Variants in ARHGAP17 observed in about 807,000 individuals in gnomAD.
ARHGAP17 encodes the protein Rho GTPase activating protein 17, also known as rho GTPase-activating protein 17.
A neutral mutation model predicts 99.5 loss-of-function variants in ARHGAP17; 57 were observed. The observed-to-expected ratio is 0.57, with a 90% CI of 0.46 to 0.71. The LOEUF is 0.71. Among genes scored for constraint, ARHGAP17 ranks in the 30% least tolerant of loss-of-function variants. The pLI, the probability that ARHGAP17 is intolerant of heterozygous loss-of-function variation, is 0.00. For missense variants in ARHGAP17, 1,000 were observed against 1,122.4 expected (o/e 0.89, Z 1.56); for synonymous variants, 417 against 429.6 (o/e 0.97, Z 0.36).
intron 3 of ARHGAP17, among the ~76,000 whole-genome samples, chr16:24,972,385 A>AT (rs979223443): frequency 3.0e-4 from 46 of 152,292 alleles, no homozygotes; most frequent in African/African-American, 1.1e-3. Context: ...CAAATTATTG[A>AT]TTTTTAAATT....
chr16:24,998,161 G>A (rs984473229), intron 1 of ARHGAP17, among the ~76,000 whole-genome samples: 3 of 151,990 alleles, frequency 2.0e-5, no homozygotes, highest in Non-Finnish European at 4.4e-5. Flanking sequence ...ACTGGGCCCC[G>A]GGCACAGGGA....
intron 14 of ARHGAP17, among the ~76,000 whole-genome samples, chr16:24,946,256 G>A (rs28651646): frequency 0.032 from 4,914 of 151,872 alleles, 276 homozygotes; most frequent in African/African-American, 0.11. Context: ...TCAGTACAAT[G>A]TGTGAGGCCC....
Position 24,954,588 on chromosome 16 carries a change from C to T in ARHGAP17, c.852+15G>A, listed in dbSNP as rs781742781. On this transcript the variant is annotated intron_variant, in intron 10 of 19. Coordinates refer to ENST00000289968, the MANE Select transcript of ARHGAP17 (RefSeq NM_001006634.3). ...CATGGAGACTTGGTGCACAGGATCA[C>T]GAAGCTCCCCTCACCTCCTCCTTCA... 13 of 1,608,556 alleles carry T rather than the reference C, an allele frequency of 8.1e-6. No individual in the cohort carries two copies. Among genetic ancestry groups the T allele is most frequent in the East Asian group, 4.5e-5 (2 of 44,808 alleles).
intron 1 of ARHGAP17, among the ~76,000 whole-genome samples, chr16:24,996,513 T>C (rs2053195538): frequency 6.6e-6 from 1 of 152,100 alleles, no homozygotes; most frequent in Admixed American, 6.5e-5. Flanking sequence ...CACATCTCCT[T>C]TGCCACCCAC....
intron 19 of ARHGAP17, 127 bp from the exon 20 acceptor site, chr16:24,920,387 C>T (rs1372294694): frequency 7.7e-6 from 9 of 1,164,550 alleles, no homozygotes; most frequent in African/African-American, 6.1e-5. Context: ...GGGTCCCTTG[C>T]GAGAGGCCTC....
chr16:25,012,959 C>A (rs774002018), intron 1 of ARHGAP17, among the ~76,000 whole-genome samples: 1 of 152,174 alleles, frequency 6.6e-6, no homozygotes. Flanking sequence ...CCAGAATTAA[C>A]AATGTCTACT....
intron 3 of ARHGAP17, chr16:24,972,600 T>C (rs2052399589): frequency 6.6e-6 from 1 of 152,242 alleles, no homozygotes; most frequent in Non-Finnish European, 1.5e-5. Flanking sequence ...TCCTACCTTT[T>C]GGTTATGCTG....
chr16:24,979,821 G>A (rs1436932462), intron 1 of ARHGAP17, among the ~76,000 whole-genome samples: 8 of 151,860 alleles, frequency 5.3e-5, no homozygotes, highest in African/African-American at 1.2e-4. Flanking sequence ...AGCGATTCTC[G>A]TGCCTTAGCC....
intron 19 of ARHGAP17, among the ~76,000 whole-genome samples, chr16:24,929,874 C>G (rs1332223173): frequency 6.6e-6 from 1 of 152,202 alleles, no homozygotes; most frequent in East Asian, 1.9e-4. Context: ...CAAAGTCACT[C>G]AATATGGTTG....
At chr16:24,965,235 C>A (rs2052141174) in intron 6 of ARHGAP17, among the ~76,000 whole-genome samples, 1 of 152,178 alleles carries the variant, frequency 6.6e-6, no homozygotes, top group African/African-American at 2.4e-5. Flanking sequence ...CTTTGGGAAG[C>A]CGAGGTGGGC....
intron 16 of ARHGAP17, chr16:24,941,770 A>T: frequency 3.4e-6 from 2 of 593,550 alleles, no homozygotes; most frequent in South Asian, 4.0e-5. Flanking sequence ...GCTGGAATAC[A>T]CGTGGAAGAA....
chr16:24,954,927 C>T (rs915059318), intron 9 of ARHGAP17, 197 bp from the exon 10 acceptor site: 19 of 711,840 alleles, frequency 2.7e-5, no homozygotes, highest in Admixed American at 6.7e-5. Context: ...GGGGCGGTTA[C>T]TTGTGGAACA....
chr16:24,963,494 G>A (rs954956816), intron 7 of ARHGAP17, among the ~76,000 whole-genome samples: 3 of 152,066 alleles, frequency 2.0e-5, no homozygotes, highest in African/African-American at 7.2e-5. Context: ...AAAAATAAGA[G>A]CAGGAAAAGT....
intron 19 of ARHGAP17, among the ~76,000 whole-genome samples, chr16:24,925,503 G>A (rs2050816601): frequency 6.6e-6 from 1 of 152,108 alleles, no homozygotes; most frequent in South Asian, 2.1e-4. Flanking sequence ...AGTTTTCTAG[G>A]GCTATTAGAG....
intron 1 of ARHGAP17, among the ~76,000 whole-genome samples, chr16:24,985,160 G>C (rs1223978725): frequency 6.6e-6 from 1 of 151,376 alleles, no homozygotes; most frequent in East Asian, 1.9e-4. Context: ...TAGAGGCCAG[G>C]ATGCTACTGA....
chr16:24,999,602 T>C (rs2053303067), intron 1 of ARHGAP17, among the ~76,000 whole-genome samples: 1 of 151,898 alleles, frequency 6.6e-6, no homozygotes, highest in South Asian at 2.1e-4. Flanking sequence ...AAATTCCTTT[T>C]ACAGACACGG....
At chr16:24,998,090 G>A (rs1196654363) in intron 1 of ARHGAP17, among the ~76,000 whole-genome samples, 2 of 152,062 alleles carry the variant, frequency 1.3e-5, no homozygotes, top group South Asian at 4.2e-4. Context: ...AGGGAGGGCA[G>A]GGAAGAAGCC....
At chr16:24,928,174 A>G (rs2152442841) in intron 19 of ARHGAP17, among the ~76,000 whole-genome samples, 1 of 152,382 alleles carries the variant, frequency 6.6e-6, no homozygotes, top group Non-Finnish European at 1.5e-5. Flanking sequence ...AGAATGGTTA[A>G]TAGCAGTATG....
chr16:24,923,451 A>G (rs1354642331), intron 19 of ARHGAP17, among the ~76,000 whole-genome samples: 1 of 152,206 alleles, frequency 6.6e-6, no homozygotes, highest in Non-Finnish European at 1.5e-5. Context: ...CTAAGTTCAT[A>G]CAAAAGATAT....
Sources: gnomAD v4.1 joint callset for allele counts (sites outside exome capture counted in the v4.1 genomes callset) on GRCh38, gnomAD v4.1.1 for gene constraint, MANE v1.5 for transcripts, NCBI Gene and HGNC (gene_info 2026-07-23, HGNC 2026-07-21) for gene names.